Variants in PXK observed in about 807,000 individuals in gnomAD.
PXK encodes the protein PX domain containing serine/threonine kinase like.
A neutral mutation model predicts 84.7 loss-of-function variants in PXK; 35 were observed. The observed-to-expected ratio is 0.41, with a 90% CI of 0.32 to 0.55. PXK has a LOEUF of 0.55. Among genes scored for constraint, PXK ranks in the 20% least tolerant of loss-of-function variants. PXK has a pLI of 0.21. For synonymous variants in PXK, 253 were observed against 260.8 expected, an observed-to-expected ratio of 0.97 and a Z score of 0.29; for missense variants, 634 against 699.7, an observed-to-expected ratio of 0.91 and a Z score of 1.06.
At chr3:58,357,234 G>A (rs2098103478) in intron 1 of PXK, among the ~76,000 whole-genome samples, 1 of 151,624 alleles carries the variant, frequency 6.6e-6, no homozygotes, top group Admixed American at 6.6e-5. Flanking sequence ...AGCCGAGATT[G>A]TGCGACTGCA....
At chr3:58,336,063 ATATATATATTT>A (rs1172920495) in intron 1 of PXK, among the ~76,000 whole-genome samples, 154 of 58,070 alleles carry the variant, frequency 2.7e-3, no homozygotes, top group African/African-American at 0.015. Context: ...ATATATATAT[ATATATATATTT>A]TTTTTTTTTT....
intron 1 of PXK, among the ~76,000 whole-genome samples, chr3:58,361,340 C>T (rs1165659874): frequency 1.3e-5 from 2 of 151,016 alleles, no homozygotes; most frequent in Non-Finnish European, 2.9e-5. Flanking sequence ...TCCCATATAC[C>T]CTTTACTCAA....
intron 1 of PXK, 72 bp from the exon 2 acceptor site, chr3:58,365,802 A>AT: frequency 7.8e-7 from 1 of 1,276,964 alleles, no homozygotes; most frequent in Admixed American, 2.6e-5. Context: ...TTTAAAACTT[A>AT]TTTTTGATTC....
intron 2 of PXK, among the ~76,000 whole-genome samples, chr3:58,366,867 G>A (rs1245070342): frequency 3.3e-5 from 5 of 152,130 alleles, no homozygotes. Flanking sequence ...TAGATCATTG[G>A]CAGAGTAGAG....
In PXK at chr3:58,397,985, A is replaced by T. The variant is rs2057971331; in HGVS notation, c.1102+263A>T. Among the ~76,000 whole-genome samples the T allele has an allele frequency of 6.6e-6, 1 of 152,216 alleles. No individual in the cohort carries two copies. The highest frequency in any genetic ancestry group is 6.5e-5 in the Admixed American group (1 of 15,278). On this transcript the variant is annotated intron_variant, in intron 11 of 17. Coordinates refer to ENST00000356151, the MANE Select transcript of PXK (RefSeq NM_017771.5). The surrounding 1 kb of genome is among the most constrained non-coding windows in gnomAD (Gnocchi z 4.7). ...GCTTTAGAGCTTTGGAAGCAGGAGG[A>T]TGTAAAGAGAAGTATGGCCTGCATG...
At chr3:58,389,890 T>G (rs958742292) in intron 4 of PXK, among the ~76,000 whole-genome samples, 19 of 147,204 alleles carry the variant, frequency 1.3e-4, no homozygotes, top group African/African-American at 4.8e-4. Flanking sequence ...TCCTAACTAC[T>G]CAGGAGGCTG....
chr3:58,395,670 G>T lies in PXK; in HGVS notation c.733G>T (p.Asp245Tyr), dbSNP rs1270837598. 6.2e-7 allele frequency: 1 copy of T among 1,612,814 alleles called. No homozygotes were observed. Among genetic ancestry groups the T allele is most frequent in the South Asian group, 1.1e-5 (1 of 90,888 alleles). ...TTCTTTTCCAAAGGCAAAACCAAAAGACCCATTTCTAAAGAAGTACTGCAA... is the reference window on the plus strand; with the variant it reads ...TTCTTTTCCAAAGGCAAAACCAAAATACCCATTTCTAAAGAAGTACTGCAA... ...KDLIYKAKPK[D>Y]PFLKKYCNPK... The change falls in exon 9 of 18, where the codon GAC becomes TAC. Residue 245 changes from aspartate (D) to tyrosine (Y), a missense_variant. Asp to Tyr is a radical substitution (Grantham distance 160). Around this residue, in one of 3 missense-constraint regions of PXK, gnomAD observed 353 missense variants for 385.2 expected, o/e 0.92. Transcript: ENST00000356151.
intron 2 of PXK, among the ~76,000 whole-genome samples, chr3:58,368,228 G>A (rs1225996342): frequency 2.0e-5 from 3 of 152,310 alleles, no homozygotes; most frequent in African/African-American, 7.2e-5. Context: ...AAGGGAGAAG[G>A]GAGAGAGCAA....
intron 1 of PXK, among the ~76,000 whole-genome samples, chr3:58,348,651 C>A (rs1256809695): frequency 6.6e-6 from 1 of 151,940 alleles, no homozygotes; most frequent in Non-Finnish European, 1.5e-5. Context: ...TGACTAATGC[C>A]TGTAATCTCA....
chr3:58,369,420 G>T lies in PXK; in HGVS notation c.154-11G>T. ...TTGCTGAATCAAAACACTACTTCTT[G>T]TCTCTTACAGATTGTTAGAAGATAC... On this transcript the variant is annotated splice_polypyrimidine_tract_variant and intron_variant, in intron 2 of 17. Coordinates refer to ENST00000356151, the MANE Select transcript of PXK (RefSeq NM_017771.5). The T allele has an allele frequency of 1.2e-6, 2 of 1,600,458 alleles. No homozygotes were observed. Among genetic ancestry groups the T allele is most frequent in the Non-Finnish European group, 8.6e-7 (1 of 1,168,134 alleles).
chr3:58,368,180 T>C (rs2098305564), intron 2 of PXK, among the ~76,000 whole-genome samples: 1 of 152,060 alleles, frequency 6.6e-6, no homozygotes, highest in South Asian at 2.1e-4. Flanking sequence ...TCCTTCCTCC[T>C]GGGTATGGGG....
intron 1 of PXK, among the ~76,000 whole-genome samples, chr3:58,345,657 A>C (rs950648961): frequency 6.6e-6 from 1 of 152,218 alleles, no homozygotes; most frequent in African/African-American, 2.4e-5. Flanking sequence ...GTAATGGTAA[A>C]AACTGTGATA....
chr3:58,378,719 A>G (rs2098469676), intron 3 of PXK, among the ~76,000 whole-genome samples: 1 of 150,202 alleles, frequency 6.7e-6, no homozygotes, highest in Admixed American at 6.7e-5. Flanking sequence ...TGTTTTTAGT[A>G]GAGATGGGGT....
intron 7 of PXK, among the ~76,000 whole-genome samples, chr3:58,393,113 C>G (rs2098647952): frequency 6.6e-6 from 1 of 152,054 alleles, no homozygotes. Flanking sequence ...CTTTGGGAGG[C>G]TGAGGCGGAT....
intron 2 of PXK, 78 bp downstream of exon 2, chr3:58,366,002 GA>G: frequency 8.2e-7 from 1 of 1,214,506 alleles, no homozygotes; most frequent in South Asian, 1.4e-5. Context: ...TGGGGCCTCT[GA>G]AAGTCTGGAA....
chr3:58,340,955 G>A (rs2097718296), intron 1 of PXK, among the ~76,000 whole-genome samples: 1 of 147,170 alleles, frequency 6.8e-6, no homozygotes, highest in African/African-American at 2.6e-5. Context: ...TACCAGAGGG[G>A]GAGTAATAGA....
chr3:58,422,285 T>C (rs2062009166), intron 17 of PXK: 3 of 985,116 alleles, frequency 3.0e-6, no homozygotes, highest in Non-Finnish European at 3.6e-6. Context: ...CCCTCCAGAG[T>C]GTTCCAAACT....
rs1019776586 is a variant in PXK, at chr3:58,411,835, A to G, written c.1466-1066A>G. Among the ~76,000 whole-genome samples the G allele has an allele frequency of 3.3e-5, 5 of 152,212 alleles. No individual in the cohort carries two copies. Among genetic ancestry groups the G allele is most frequent in the Non-Finnish European group, 7.3e-5 (5 of 68,040 alleles). On this transcript the variant is annotated intron_variant, in intron 16 of 17. Coordinates refer to ENST00000356151, the MANE Select transcript of PXK (RefSeq NM_017771.5). This position sits in a 1 kb window ranked among gnomAD's most constrained non-coding sequence, Gnocchi z 4.2. ...AACAGTATAAAGACAGCATGCATTG[A>G]GTTTTACCTCCTTTTTCAGTAAAAC... is the stretch of plus-strand genomic sequence containing the variant.
intron 9 of PXK, among the ~76,000 whole-genome samples, chr3:58,396,344 TA>T (rs112507667): frequency 0.13 from 19,728 of 152,150 alleles, 1,957 homozygotes; most frequent in African/African-American, 0.27. Flanking sequence ...TATTATAAGT[TA>T]AAAAAATAAC....
Sources: allele counts gnomAD v4.1 joint callset (sites outside exome capture counted in the v4.1 genomes callset), GRCh38; gene constraint gnomAD v4.1.1; regional missense constraint gnomAD v4.1.1; non-coding constraint Gnocchi (gnomAD v3.1); transcripts MANE v1.5; gene names NCBI Gene and HGNC (gene_info 2026-07-23, HGNC 2026-07-21).